The following TIA1 variants were observed in gnomAD, a reference collection of about 807,000 sequenced individuals.
TIA1 encodes the protein TIA1 cytotoxic granule associated RNA binding protein.
A neutral mutation model predicts 65.9 loss-of-function variants in TIA1; 23 were observed. That is an observed-to-expected ratio of 0.35 (90% CI 0.25 to 0.49). TIA1 has a LOEUF of 0.49. TIA1 is among the 20% of genes least tolerant of loss of function. TIA1 has a pLI of 0.98. For synonymous variants in TIA1, 147 were observed against 149.4 expected (o/e 0.98, Z 0.12); for missense variants, 371 against 477.9 (o/e 0.78, Z 2.09).
intron 1 of TIA1, among the ~76,000 whole-genome samples, chr2:70,246,543 G>GT (rs1414847787): frequency 2.0e-5 from 3 of 152,126 alleles, no homozygotes; most frequent in Admixed American, 2.0e-4. Context: ...TGGATGGGGT[G>GT]TATTAGTGAG....
intron 7 of TIA1, among the ~76,000 whole-genome samples, chr2:70,220,743 G>A (rs113574886): frequency 0.03 from 4,576 of 152,094 alleles, 93 homozygotes; most frequent in Non-Finnish European, 0.046. Flanking sequence ...AAACAGAGAT[G>A]TATCTATGTT....
intron 1 of TIA1, among the ~76,000 whole-genome samples, chr2:70,236,865 C>T (rs376302550): frequency 6.6e-6 from 1 of 152,012 alleles, no homozygotes; most frequent in East Asian, 1.9e-4. Flanking sequence ...TGGGTTCAAG[C>T]GATCTGCCTG....
chr2:70,237,286 C>T (rs1443138950), intron 1 of TIA1, among the ~76,000 whole-genome samples: 2 of 152,126 alleles, frequency 1.3e-5, no homozygotes, highest in Non-Finnish European at 2.9e-5. Flanking sequence ...TCTGTAAACC[C>T]AGCTACTTGG....
chr2:70,229,116 C>T, intron 4 of TIA1, 25 bp from the exon 5 acceptor site: 1 of 1,613,338 alleles, frequency 6.2e-7, no homozygotes, highest in Non-Finnish European at 8.5e-7. Context: ...TAGATTTGTT[C>T]TTAAATTTAT....
At chr2:70,235,710 A>C (rs1179715499) in intron 2 of TIA1, among the ~76,000 whole-genome samples, 1 of 152,182 alleles carries the variant, frequency 6.6e-6, no homozygotes, top group East Asian at 1.9e-4. Flanking sequence ...CTGTTTTCCA[A>C]TTTAATTGTA....
chr2:70,227,653 T>C, intron 6 of TIA1, 82 bp downstream of exon 6: 1 of 921,622 alleles, frequency 1.1e-6, no homozygotes, highest in Non-Finnish European at 1.6e-6. Context: ...ATGTACAAAA[T>C]TCACAACAGA....
intron 2 of TIA1, among the ~76,000 whole-genome samples, chr2:70,235,035 A>G (rs1247711604): frequency 1.3e-5 from 2 of 151,140 alleles, no homozygotes; most frequent in African/African-American, 2.5e-5. Context: ...TTTCAAGACA[A>G]ACAAACAAAC....
At chr2:70,213,944 G>A (rs924677679) in intron 12 of TIA1, among the ~76,000 whole-genome samples, 3 of 152,122 alleles carry the variant, frequency 2.0e-5, no homozygotes, top group Non-Finnish European at 4.4e-5. Flanking sequence ...GAACTACCAC[G>A]CCCAGCCCAC....
chr2:70,246,333 T>A (rs188288459), intron 1 of TIA1, among the ~76,000 whole-genome samples: 39 of 152,294 alleles, frequency 2.6e-4, no homozygotes, highest in Non-Finnish European at 3.5e-4. Context: ...GCTAAGAACA[T>A]ATATTAAAAG....
In TIA1 at chr2:70,211,797, A is replaced by T. The variant is rs1221353146; in HGVS notation, c.*922T>A. The T allele has an allele frequency of 6.6e-6, 1 of 152,656 alleles. No homozygotes were observed. Among genetic ancestry groups the T allele is most frequent in the East Asian group, 1.9e-4 (1 of 5,206 alleles). The allele number at this position is 152,656 out of a possible 1,614,324, so 9.5% of individuals were successfully genotyped here. The stretch of plus-strand genomic sequence containing the variant: ...AGGAAATGACATACAAAGTTTGCTA[A>T]CTGTGCAAAATATTAAATTGCTAAA... On this transcript the variant is annotated 3_prime_UTR_variant, in exon 13 of 13. Transcript: ENST00000433529.
intron 7 of TIA1, among the ~76,000 whole-genome samples, chr2:70,224,079 G>A (rs766176562): frequency 6.6e-6 from 1 of 151,844 alleles, no homozygotes. Flanking sequence ...CACCACGCCC[G>A]GATAATTTTT....
At chr2:70,243,501 CCTT>C (rs1692834800) in intron 1 of TIA1, among the ~76,000 whole-genome samples, 1 of 152,128 alleles carries the variant, frequency 6.6e-6, no homozygotes, top group Non-Finnish European at 1.5e-5. Context: ...AGCATCCTAA[CCTT>C]ATTATTATTT....
chr2:70,215,505 C>T lies in TIA1; in HGVS notation c.765-11G>A. ...TCATGGGAATTGAACCTATTGAAAA[C>T]AATATTAAGAATCACCAATACAAAT... On this transcript the variant is annotated splice_polypyrimidine_tract_variant and intron_variant, in intron 10 of 12. Transcript: ENST00000433529. 4 of 1,601,612 alleles carry T rather than the reference C, an allele frequency of 2.5e-6. No homozygotes were observed. Among genetic ancestry groups the T allele is most frequent in the Non-Finnish European group, 3.4e-6 (4 of 1,173,738 alleles).
intron 6 of TIA1, among the ~76,000 whole-genome samples, chr2:70,225,785 G>A (rs1683510511): frequency 6.6e-6 from 1 of 152,066 alleles, no homozygotes; most frequent in South Asian, 2.1e-4. Flanking sequence ...ATTTAATCTG[G>A]TAGCTGACTC....
intron 7 of TIA1, among the ~76,000 whole-genome samples, chr2:70,218,824 A>G (rs188548563): frequency 2.0e-5 from 3 of 152,346 alleles, no homozygotes; most frequent in South Asian, 2.1e-4. Flanking sequence ...GCAATATTCT[A>G]GATTTTTAAA....
At chr2:70,229,397 A>C in intron 3 of TIA1, 79 bp from the exon 4 acceptor site, 2 of 1,222,732 alleles carry the variant, frequency 1.6e-6, no homozygotes, top group Non-Finnish European at 2.3e-6. Context: ...AACACATAGG[A>C]AGATATCTGT....
intron 1 of TIA1, among the ~76,000 whole-genome samples, chr2:70,242,025 A>G (rs79961800): frequency 0.022 from 3,285 of 152,248 alleles, 130 homozygotes; most frequent in African/African-American, 0.075. Flanking sequence ...TATAAAAAGG[A>G]TATCAGTGGA....
intron 1 of TIA1, among the ~76,000 whole-genome samples, chr2:70,240,964 T>C (rs907760945): frequency 6.6e-6 from 1 of 150,974 alleles, no homozygotes; most frequent in Non-Finnish European, 1.5e-5. Flanking sequence ...GAGGGGAAAA[T>C]AGTTTTTTCT....
intron 5 of TIA1, chr2:70,228,806 C>A (rs1216300150): frequency 1.5e-6 from 2 of 1,377,842 alleles, no homozygotes; most frequent in Admixed American, 3.2e-5. Context: ...GGGTATTTTG[C>A]CCCTTAGTTG....
Sources: gnomAD v4.1 joint callset for allele counts (sites outside exome capture counted in the v4.1 genomes callset) on GRCh38, gnomAD v4.1.1 for gene constraint, MANE v1.5 for transcripts, NCBI Gene and HGNC (gene_info 2026-07-23, HGNC 2026-07-21) for gene names.